PRKCE: variants seen among roughly 807,000 people sequenced by gnomAD.
PRKCE encodes protein kinase C epsilon type.
In PRKCE, 16 loss-of-function variants were observed where a neutral mutation model predicts 85.4. The ratio of observed to expected loss-of-function variants is 0.19; its 90% confidence interval spans 0.13 to 0.28. The LOEUF is 0.28. Among genes scored for constraint, PRKCE ranks in the 10% least tolerant of loss-of-function variants. The pLI, the probability that PRKCE is intolerant of heterozygous loss-of-function variation, is 1.00. For synonymous variants in PRKCE, 388 were observed against 371.5 expected (o/e 1.04, Z -0.51); for missense variants, 573 against 975.2 (o/e 0.59, Z 5.49).
At chr2:45,847,251 C>T (rs915613791) in intron 2 of PRKCE, among the ~76,000 whole-genome samples, 5 of 152,220 alleles carry the variant, frequency 3.3e-5, no homozygotes, top group Non-Finnish European at 7.3e-5. Flanking sequence ...GAGGCTTCTC[C>T]TTGTCAGAGC....
At chr2:45,976,803 C>G (rs1702483869) in intron 3 of PRKCE, among the ~76,000 whole-genome samples, 1 of 150,838 alleles carries the variant, frequency 6.6e-6, no homozygotes, top group African/African-American at 2.4e-5. Flanking sequence ...CAACTTTATA[C>G]CTAGAATTTT....
chr2:45,755,194 TCGC>T (rs1288657344), intron 1 of PRKCE, among the ~76,000 whole-genome samples: 2 of 152,164 alleles, frequency 1.3e-5, no homozygotes, highest in African/African-American at 2.4e-5. Context: ...TTGTATAAGG[TCGC>T]CAACCACGTT....
At chr2:45,885,017 G>GTTGTTA (rs1695193345) in intron 2 of PRKCE, among the ~76,000 whole-genome samples, 1 of 87,452 alleles carries the variant, frequency 1.1e-5, no homozygotes, top group Non-Finnish European at 2.3e-5. Context: ...TGTTGTTGTT[G>GTTGTTA]TTGTTTTACC....
intron 1 of PRKCE, among the ~76,000 whole-genome samples, chr2:45,806,348 A>G (rs999927093): frequency 3.9e-5 from 6 of 152,134 alleles, no homozygotes; most frequent in Admixed American, 3.9e-4. Flanking sequence ...CCAAGCAGGG[A>G]CTCAGAGATT....
chr2:45,972,529 T>A (rs1429551764), intron 2 of PRKCE, among the ~76,000 whole-genome samples: 1 of 152,248 alleles, frequency 6.6e-6, no homozygotes, highest in Non-Finnish European at 1.5e-5. Context: ...ATCTAAGAAA[T>A]CATTGCCAAG....
chr2:46,091,913 C>T lies in PRKCE; in HGVS notation c.1592+5551C>T, dbSNP rs973737651. The stretch of plus-strand genomic sequence containing the variant: ...CTTCATTCTTCCCTTCTGATAAAAT[C>T]GAACTCTTTCTTTTTTGAAATGATA... On this transcript the variant is annotated intron_variant, in intron 11 of 14. Transcript: ENST00000306156. Among the ~76,000 whole-genome samples, 6 of 152,136 alleles carry T rather than the reference C, an allele frequency of 3.9e-5. 1 individual carries two copies. The highest frequency in any genetic ancestry group is 4.1e-4 in the South Asian group (2 of 4,834).
chr2:46,086,512 T>G lies in PRKCE; in HGVS notation c.1592+150T>G, dbSNP rs564639146. ...CCAATTTGCTTACAGAAGACTTTTT[T>G]GGGGGCTGTTTATTCCTGTGAATGT... On this transcript the variant is annotated intron_variant, in intron 11 of 14. Coordinates refer to ENST00000306156, the MANE Select transcript of PRKCE (RefSeq NM_005400.3). 35 of 871,924 alleles carry G rather than the reference T, an allele frequency of 4.0e-5. 1 individual carries two copies. Among genetic ancestry groups the G allele is most frequent in the South Asian group, 3.2e-4 (17 of 53,142 alleles). 54.0% of individuals were successfully genotyped at this position (871,924 alleles called of 1,614,324 possible). A position where few individuals can be genotyped will look rare whatever the true frequency, so the allele number is the denominator to read the frequency against.
At chr2:45,963,471 G>T (rs1701517401) in intron 2 of PRKCE, among the ~76,000 whole-genome samples, 1 of 152,046 alleles carries the variant, frequency 6.6e-6, no homozygotes. Flanking sequence ...ACCACGCCCG[G>T]CTAATTTTTG....
At position 45,743,997 on chromosome 2, in the gene PRKCE, T is replaced by G. The variant is rs1336226198; in HGVS notation, c.348+91549T>G. Among the ~76,000 whole-genome samples the G allele has an allele frequency of 2.0e-4, 30 of 149,076 alleles. No homozygotes were observed. In the South Asian group the frequency reaches 2.5e-3, roughly 13 times the overall value. ...ATTGTAGATTTGGCCGTTGTGTGTT[T>G]TTTTTTTTTTTTTCCAGATAATGCA... On this transcript the variant is annotated intron_variant, in intron 1 of 14. Transcript: ENST00000306156.
intron 1 of PRKCE, among the ~76,000 whole-genome samples, chr2:45,766,330 G>T (rs193010705): frequency 9.2e-5 from 14 of 152,332 alleles, no homozygotes; most frequent in Non-Finnish European, 1.8e-4. Context: ...GTGCCGTGCA[G>T]ACCTCTGTCA....
chr2:45,848,513 G>A (rs1162846327), intron 2 of PRKCE, among the ~76,000 whole-genome samples: 1 of 152,144 alleles, frequency 6.6e-6, no homozygotes, highest in African/African-American at 2.4e-5. Context: ...GTTTTGCCAT[G>A]TTGGCCAGGC....
chr2:46,156,035 AAAT>A (rs1468668087), intron 13 of PRKCE, among the ~76,000 whole-genome samples: 2 of 146,962 alleles, frequency 1.4e-5, no homozygotes, highest in East Asian at 2.1e-4. Flanking sequence ...GTACAAAAAA[AAAT>A]AATAAAATGT....
chr2:46,121,519 C>T (rs1442816563), intron 11 of PRKCE, among the ~76,000 whole-genome samples: 1 of 152,210 alleles, frequency 6.6e-6, no homozygotes, highest in African/African-American at 2.4e-5. Context: ...TGTACAGCAT[C>T]ACACAGTGGA....
chr2:46,018,741 T>C (rs1231346244), intron 10 of PRKCE, among the ~76,000 whole-genome samples: 1 of 152,270 alleles, frequency 6.6e-6, no homozygotes, highest in Non-Finnish European at 1.5e-5. Flanking sequence ...TATATATTTA[T>C]AACATCAGTA....
At chr2:45,746,966 C>T (rs562471609) in intron 1 of PRKCE, among the ~76,000 whole-genome samples, 6 of 152,250 alleles carry the variant, frequency 3.9e-5, no homozygotes, top group South Asian at 2.1e-4. Context: ...CCTCAGTCCC[C>T]GCCACCTCTG....
At chr2:45,787,354 C>CAGAGAG (rs57126648) in intron 1 of PRKCE, among the ~76,000 whole-genome samples, 14 of 151,162 alleles carry the variant, frequency 9.3e-5, no homozygotes, top group African/African-American at 3.4e-4. Flanking sequence ...GAGACAGAGA[C>CAGAGAG]AGAGAGAGAG....
intron 1 of PRKCE, among the ~76,000 whole-genome samples, chr2:45,686,749 T>C (rs1407138728): frequency 2.0e-5 from 3 of 152,154 alleles, no homozygotes; most frequent in Non-Finnish European, 4.4e-5. Flanking sequence ...TTAAGTAGTA[T>C]AGAATTGATA....
At chr2:46,013,503 G>A (rs1178950528) in intron 10 of PRKCE, among the ~76,000 whole-genome samples, 1 of 152,228 alleles carries the variant, frequency 6.6e-6, no homozygotes, top group East Asian at 1.9e-4. Flanking sequence ...GAAAGGTAGA[G>A]AGGATTTGGA....
chr2:45,885,002 T>TATATATTTTTG (rs1553440407), intron 2 of PRKCE, among the ~76,000 whole-genome samples: 1 of 97,642 alleles, frequency 1.0e-5, no homozygotes, highest in Admixed American at 1.2e-4. Context: ...TATATATATA[T>TATATATTTTTG]TTGTTGTTGT....
Sources: allele counts gnomAD v4.1 joint callset (sites outside exome capture counted in the v4.1 genomes callset), GRCh38; gene constraint gnomAD v4.1.1; transcripts MANE v1.5; gene names NCBI Gene and HGNC (gene_info 2026-07-23, HGNC 2026-07-21).